The following KANSL2 variants were observed in gnomAD, a reference collection of about 807,000 sequenced individuals.
KANSL2 encodes the protein KAT8 regulatory NSL complex subunit 2.
In KANSL2, 34 loss-of-function variants were observed where a neutral mutation model predicts 55.6. The observed-to-expected ratio is 0.61, with a 90% confidence interval of 0.46 to 0.81. The LOEUF (loss-of-function observed/expected upper bound fraction) is 0.81, where lower values mean the gene tolerates loss of function less well. KANSL2 is among the 40% of genes least tolerant of loss of function. The pLI, the probability that KANSL2 is intolerant of heterozygous loss-of-function variation, is 0.00. For missense variants in KANSL2, 502 were observed against 609.9 expected (o/e 0.82, Z 1.86); for synonymous variants, 209 against 214.3 (o/e 0.98, Z 0.22).
intron 8 of KANSL2, among the ~76,000 whole-genome samples, chr12:48,658,884 C>G (rs765222986): frequency 6.6e-6 from 1 of 152,234 alleles, no homozygotes; most frequent in Non-Finnish European, 1.5e-5. Flanking sequence ...ACTTGCCAAC[C>G]ATCCTTGCAT....
At chr12:48,679,579 A>G (rs1304280293) in intron 3 of KANSL2, 76 bp downstream of exon 3, 3 of 1,145,474 alleles carry the variant, frequency 2.6e-6, no homozygotes, top group Non-Finnish European at 3.8e-6. Context: ...AAATAGATCA[A>G]GGCATTGTGC....
At chr12:48,680,695 G>C (rs1461125608) in intron 2 of KANSL2, among the ~76,000 whole-genome samples, 1 of 152,068 alleles carries the variant, frequency 6.6e-6, no homozygotes, top group African/African-American at 2.4e-5. Flanking sequence ...GAATTTTAGG[G>C]GCCAGGTGCG....
Position 48,656,335 on chromosome 12 carries a change from G to A in KANSL2, c.1228-1275C>T, listed in dbSNP as rs149658588. 5.9e-3 allele frequency among the ~76,000 whole-genome samples: 893 copies of A among 150,528 alleles called. 8 individuals carry two copies. Among genetic ancestry groups the A allele is most frequent in the African/African-American group, 0.02 (813 of 40,982 alleles). ...GTCGCCCAGGCTGGAGTGCAGTGAC[G>A]TGATCTCGGCTCACTGCAACCTCCG... On this transcript the variant is annotated intron_variant, in intron 8 of 9. Transcript: ENST00000420613.
At chr12:48,668,637 T>C (rs913381115) in intron 6 of KANSL2, among the ~76,000 whole-genome samples, 1 of 152,114 alleles carries the variant, frequency 6.6e-6, no homozygotes, top group Non-Finnish European at 1.5e-5. Flanking sequence ...AGGTGGATGC[T>C]GCGGTGAGCC....
chr12:48,682,080 C>G, intron 1 of KANSL2, 107 bp downstream of exon 1: 1 of 703,042 alleles, frequency 1.4e-6, no homozygotes, highest in Non-Finnish European at 2.6e-6. Context: ...AGGAAGGAGA[C>G]TGACTCTGAC....
chr12:48,659,852 A>G (rs1484848785), intron 8 of KANSL2, among the ~76,000 whole-genome samples: 1 of 152,254 alleles, frequency 6.6e-6, no homozygotes, highest in African/African-American at 2.4e-5. Context: ...TATAGTATGG[A>G]TAAACCTTGA....
chr12:48,657,056 C>A (rs1034544894), intron 8 of KANSL2, among the ~76,000 whole-genome samples: 1 of 152,150 alleles, frequency 6.6e-6, no homozygotes, highest in Non-Finnish European at 1.5e-5. Flanking sequence ...AACATCTTCA[C>A]ATTAAAGAAT....
Position 48,670,983 on chromosome 12 carries a change from G to A in KANSL2, c.709+816C>T, listed in dbSNP as rs149197448. ...TGTCTCTTTAAAAAAAAGCTTATAG[G>A]CCAGGCGCAGTGGCTCATGCCTGAA... On this transcript the variant is annotated intron_variant, in intron 5 of 9. Transcript: ENST00000420613. Among the ~76,000 whole-genome samples the A allele has an allele frequency of 1.6e-3, 248 of 152,200 alleles. 1 individual carries two copies. The highest frequency in any genetic ancestry group is 3.4e-3 in the Middle Eastern group (1 of 294).
intron 1 of KANSL2, chr12:48,681,930 G>T (rs986749771): frequency 4.3e-6 from 3 of 703,230 alleles, no homozygotes; most frequent in South Asian, 3.0e-5. Flanking sequence ...CCCACGCGGC[G>T]GCCACGCCGC....
chr12:48,681,118 TAAA>T (rs1057233108), intron 2 of KANSL2: 958 of 131,008 alleles, frequency 7.3e-3, no homozygotes, highest in South Asian at 0.023. Context: ...CCATCTCTCT[TAAA>T]AAAAAAAAAA....
intron 7 of KANSL2, among the ~76,000 whole-genome samples, chr12:48,664,651 C>T (rs1939557650): frequency 6.9e-6 from 1 of 144,758 alleles, no homozygotes; most frequent in Non-Finnish European, 1.5e-5. Flanking sequence ...GCGTGAACTC[C>T]TCCCACTGCA....
At position 48,660,417 on chromosome 12, in the gene KANSL2, C is replaced by G. The variant is rs1362012338; in HGVS notation, c.1176G>C (p.Leu392Phe). Reference sequence around the variant, plus strand: ...CAGTGGGCTGAAGCTCAGCAGCACTCAAGTACAGATCCATGGGGCCGGCTT... The same window carrying G: ...CAGTGGGCTGAAGCTCAGCAGCACTGAAGTACAGATCCATGGGGCCGGCTT... ...DLEAGPMDLY[L>F]SAAELQPTES... Residue 392 changes from leucine to phenylalanine, a missense_variant, in exon 8 of 10, where the codon TTG (leucine) becomes TTC (phenylalanine). Transcript: ENST00000420613. 6.2e-7 allele frequency: 1 copy of G among 1,613,954 alleles called. No homozygotes were observed. The highest frequency in any genetic ancestry group is 2.2e-5 in the East Asian group (1 of 44,882).
intron 2 of KANSL2, among the ~76,000 whole-genome samples, chr12:48,680,972 GCC>G (rs71453824): frequency 2.0e-5 from 3 of 148,122 alleles, no homozygotes; most frequent in Non-Finnish European, 4.5e-5. Context: ...TCTGTGCGCC[GCC>G]CCCCCGCCAA....
Position 48,654,113 on chromosome 12 carries a change from G to A in KANSL2, c.1410C>T (p.Ala470=). 6.2e-7 allele frequency: 1 copy of A among 1,613,120 alleles called. No homozygotes were observed. The part of the protein sequence containing the change: ...RSQGSRNSEK[A]SAPLSQSGLA... ...ATCCACTCTGAGACAATGGTGCAGA[G>A]GCTTTCTCAGAATTTCGAGATCCCT... Residue 470 remains alanine, a synonymous_variant, in exon 10 of 10, where the codon GCC becomes GCT. Coordinates refer to ENST00000420613, the MANE Select transcript of KANSL2 (RefSeq NM_017822.4).
intron 7 of KANSL2, chr12:48,662,787 T>C: frequency 2.2e-6 from 1 of 447,552 alleles, no homozygotes; most frequent in Non-Finnish European, 3.4e-6. Context: ...ATTTATATTT[T>C]AATAAGCTAT....
At chr12:48,667,911 G>C in intron 6 of KANSL2, 122 bp from the exon 7 acceptor site, 4 of 712,496 alleles carry the variant, frequency 5.6e-6, no homozygotes, top group South Asian at 5.4e-5. Context: ...AACAAAAATA[G>C]ATTCACCAAT....
At chr12:48,670,143 G>A (rs1056048969) in intron 5 of KANSL2, among the ~76,000 whole-genome samples, 1 of 150,144 alleles carries the variant, frequency 6.7e-6, no homozygotes, top group Non-Finnish European at 1.5e-5. Context: ...GGAGGTTGCA[G>A]TGAGCCAAGA....
intron 7 of KANSL2, chr12:48,667,350 C>CAA: frequency 6.6e-6 from 2 of 302,032 alleles, no homozygotes; most frequent in Non-Finnish European, 1.3e-5. Context: ...TCCTAATAAG[C>CAA]AAGTTAAATC....
chr12:48,657,590 T>C (rs1480927211), intron 8 of KANSL2, among the ~76,000 whole-genome samples: 1 of 150,548 alleles, frequency 6.6e-6, no homozygotes, highest in Non-Finnish European at 1.5e-5. Flanking sequence ...TCCCATTCTT[T>C]TACTATGTGC....
Sources: gnomAD v4.1 joint callset for allele counts (sites outside exome capture counted in the v4.1 genomes callset) on GRCh38, gnomAD v4.1.1 for gene constraint, MANE v1.5 for transcripts, NCBI Gene and HGNC (gene_info 2026-07-23, HGNC 2026-07-21) for gene names.